The following CTNNA2 variants were observed in gnomAD, a reference collection of about 807,000 sequenced individuals.
CTNNA2 encodes the protein catenin alpha-2.
CTNNA2 carries 42 observed loss-of-function variants against 101.0 expected under a neutral mutation model. The ratio of observed to expected loss-of-function variants is 0.42; its 90% CI spans 0.32 to 0.54. The LOEUF is 0.54. Among genes scored for constraint, CTNNA2 ranks in the 20% least tolerant of loss-of-function variants. CTNNA2 has a pLI of 0.14. For synonymous variants in CTNNA2, 450 were observed against 456.4 expected (o/e 0.99, Z 0.18); for missense variants, 871 against 1,223.1 (o/e 0.71, Z 4.29).
chr2:79,295,571 G>A (rs995174134), intron 2 of CTNNA2, among the ~76,000 whole-genome samples: 4 of 116,190 alleles, frequency 3.4e-5, no homozygotes, highest in African/African-American at 1.3e-4. Context: ...AACTTTTTTT[G>A]TCCTAACTGT....
chr2:79,219,566 G>A (rs886171499), intron 2 of CTNNA2, among the ~76,000 whole-genome samples: 2 of 152,152 alleles, frequency 1.3e-5, no homozygotes, highest in African/African-American at 4.8e-5. Context: ...CTTGTACGCA[G>A]GAATACCGCC....
intron 4 of CTNNA2, among the ~76,000 whole-genome samples, chr2:79,436,001 C>T (rs1243377924): frequency 6.6e-6 from 1 of 152,126 alleles, no homozygotes; most frequent in South Asian, 2.1e-4. Context: ...ACATCAAAAT[C>T]ACCTGTGTCT....
chr2:80,101,323 T>G (rs181534933), intron 7 of CTNNA2, among the ~76,000 whole-genome samples: 5 of 152,348 alleles, frequency 3.3e-5, no homozygotes, highest in African/African-American at 1.2e-4. Flanking sequence ...CTAAGTTCTG[T>G]AAGAGCCAAA....
At chr2:80,083,327 G>A (rs7592962) in intron 7 of CTNNA2, among the ~76,000 whole-genome samples, 28,731 of 151,880 alleles carry the variant, frequency 0.19, 3,534 homozygotes, top group East Asian at 0.5. Context: ...TTTGTTACGG[G>A]AACATTGTTT....
intron 9 of CTNNA2, among the ~76,000 whole-genome samples, chr2:80,501,110 T>G (rs1687849460): frequency 6.6e-6 from 1 of 152,238 alleles, no homozygotes; most frequent in African/African-American, 2.4e-5. Context: ...AATGGAAAAC[T>G]GAATAGGTCC....
At chr2:79,766,552 A>G (rs2105115978) in intron 3 of CTNNA2, among the ~76,000 whole-genome samples, 1 of 152,170 alleles carries the variant, frequency 6.6e-6, no homozygotes, top group South Asian at 2.1e-4. Flanking sequence ...ACCTTCCTGT[A>G]CTTGCATATT....
chr2:79,280,663 A>AGAGAGAGAGAGAGAGAG (rs1238782976), intron 2 of CTNNA2, among the ~76,000 whole-genome samples: 4 of 49,336 alleles, frequency 8.1e-5, no homozygotes, highest in Admixed American at 7.0e-4. Context: ...GTGTAAGAGA[A>AGAGAGAGAGAGAGAGAG]AGAGAGAGAG....
intron 1 of CTNNA2, among the ~76,000 whole-genome samples, chr2:79,530,913 G>A (rs1227077290): frequency 6.6e-6 from 1 of 152,024 alleles, no homozygotes; most frequent in African/African-American, 2.4e-5. Context: ...GTTTCCTAGA[G>A]TAGGTAGACA....
chr2:79,767,045 C>G (rs142803300), intron 3 of CTNNA2, among the ~76,000 whole-genome samples: 190 of 152,052 alleles, frequency 1.2e-3, no homozygotes, highest in African/African-American at 3.8e-3. Flanking sequence ...TGAGCCACTG[C>G]GCCTGGCCCT....
intron 7 of CTNNA2, among the ~76,000 whole-genome samples, chr2:80,335,139 AT>A (rs1671663968): frequency 6.6e-6 from 1 of 152,342 alleles, no homozygotes; most frequent in African/African-American, 2.4e-5. Context: ...GGAAAAGAAT[AT>A]TGTAGACAGG....
intron 3 of CTNNA2, among the ~76,000 whole-genome samples, chr2:79,816,910 A>C (rs1487640992): frequency 6.6e-6 from 1 of 152,196 alleles, no homozygotes; most frequent in Non-Finnish European, 1.5e-5. Context: ...TCAAATCATA[A>C]CTTTTTCCCC....
At chr2:80,386,688 C>G (rs569843359) in intron 7 of CTNNA2, among the ~76,000 whole-genome samples, 1 of 152,272 alleles carries the variant, frequency 6.6e-6, no homozygotes, top group South Asian at 2.1e-4. Context: ...ACTTCCATTT[C>G]TTTCAAATGA....
chr2:79,976,651 G>A (rs1490161381), intron 7 of CTNNA2, among the ~76,000 whole-genome samples: 1 of 152,176 alleles, frequency 6.6e-6, no homozygotes, highest in African/African-American at 2.4e-5. Context: ...ACCTCACAGT[G>A]ACCTGAAAGG....
At chr2:80,628,908 T>A (rs1281381969) in intron 18 of CTNNA2, among the ~76,000 whole-genome samples, 1 of 152,028 alleles carries the variant, frequency 6.6e-6, no homozygotes, top group South Asian at 2.1e-4. Context: ...CTCCATTGAG[T>A]GGAACAAGAA....
intron 7 of CTNNA2, among the ~76,000 whole-genome samples, chr2:80,354,975 G>T (rs1330338761): frequency 6.6e-6 from 1 of 152,116 alleles, no homozygotes; most frequent in African/African-American, 2.4e-5. Flanking sequence ...TACAGGGAGT[G>T]CACTTAGTGG....
chr2:79,316,996 G>A (rs1347406595), intron 3 of CTNNA2, among the ~76,000 whole-genome samples: 3 of 152,032 alleles, frequency 2.0e-5, no homozygotes, highest in African/African-American at 7.2e-5. Context: ...AAAGCATTCA[G>A]TCTTTGATCT....
intron 3 of CTNNA2, among the ~76,000 whole-genome samples, chr2:79,831,500 G>A (rs1678925204): frequency 2.6e-5 from 4 of 151,694 alleles, no homozygotes; most frequent in Admixed American, 2.6e-4. Context: ...TTTTGTCTGT[G>A]TTGCTTCACA....
At chr2:80,600,652 TG>T (rs1193896464) in intron 15 of CTNNA2, among the ~76,000 whole-genome samples, 1 of 152,132 alleles carries the variant, frequency 6.6e-6, no homozygotes, top group Non-Finnish European at 1.5e-5. Flanking sequence ...ACCATCAGCT[TG>T]ACAAGAAAAA....
rs374405926 is a variant in CTNNA2 at position 79,246,465 on chromosome 2, C to T, written c.-406+48389C>T. Among the ~76,000 whole-genome samples the T allele has an allele frequency of 9.2e-5, 14 of 152,274 alleles. No individual in the cohort carries two copies. In the South Asian group the frequency reaches 2.7e-3, roughly 29 times the overall value. ...GTTTAGGTTGTTTTCCCACCACCTGCGAAACTGTCATGCAAGTCCACAGGA... is the reference window on the plus strand; with the variant it reads ...GTTTAGGTTGTTTTCCCACCACCTGTGAAACTGTCATGCAAGTCCACAGGA... On this transcript the variant is annotated intron_variant, in intron 2 of 21. Coordinates refer to the CTNNA2 transcript ENST00000466387.
Sources: allele counts gnomAD v4.1 joint callset (sites outside exome capture counted in the v4.1 genomes callset), GRCh38; gene constraint gnomAD v4.1.1; transcripts MANE v1.5; gene names NCBI Gene and HGNC (gene_info 2026-07-23, HGNC 2026-07-21).